MINDY2: variants seen among roughly 807,000 people sequenced by gnomAD.
MINDY2 encodes MINDY lysine 48 deubiquitinase 2, also known as ubiquitin carboxyl-terminal hydrolase MINDY-2.
Under a neutral mutation model 68.2 loss-of-function variants are expected in MINDY2, and 52 were observed. The ratio of observed to expected loss-of-function variants is 0.76; its 90% CI spans 0.61 to 0.96. MINDY2 has a LOEUF of 0.96. Ranked by LOEUF, MINDY2 falls within the 40% of genes least tolerant of loss-of-function variation. The pLI is 0.00. For synonymous variants in MINDY2, 372 were observed against 303.0 expected (o/e 1.23, Z -2.36); for missense variants, 881 against 773.4 (o/e 1.14, Z -1.65).
At chr15:58,854,244 A>C (rs77144915) in intron 8 of MINDY2, among the ~76,000 whole-genome samples, 1 of 120,744 alleles carries the variant, frequency 8.3e-6, no homozygotes, top group Non-Finnish European at 1.8e-5. Context: ...ACTCTGTCTC[A>C]AAAAAAAAAA....
intron 3 of MINDY2, among the ~76,000 whole-genome samples, chr15:58,808,495 A>G (rs1248963161): frequency 1.3e-5 from 2 of 151,840 alleles, no homozygotes; most frequent in African/African-American, 4.8e-5. Flanking sequence ...TGTTTTCTTT[A>G]CTACTACGCA....
intron 1 of MINDY2, among the ~76,000 whole-genome samples, chr15:58,781,676 G>T (rs929724801): frequency 6.6e-6 from 1 of 152,020 alleles, no homozygotes; most frequent in Non-Finnish European, 1.5e-5. Context: ...AGGCCAAGGC[G>T]GGTGGATCAC....
intron 5 of MINDY2, among the ~76,000 whole-genome samples, chr15:58,824,930 A>G (rs1313653436): frequency 5.3e-5 from 8 of 152,108 alleles, no homozygotes; most frequent in African/African-American, 1.9e-4. Context: ...TCAACCTCCC[A>G]AAGTGCTGCA....
At chr15:58,843,138 T>C (rs1388634608) in intron 6 of MINDY2, among the ~76,000 whole-genome samples, 1 of 152,180 alleles carries the variant, frequency 6.6e-6, no homozygotes, top group Admixed American at 6.5e-5. Context: ...GTTAAGTAAT[T>C]TGTGTTTAGG....
At position 58,855,385 on chromosome 15, in the gene MINDY2, A is replaced by G. The variant is rs1045630710; in HGVS notation, c.*775A>G. 1.8e-4 allele frequency: 27 copies of G among 152,602 alleles called. No homozygotes were observed. The highest frequency in any genetic ancestry group is 6.0e-4 in the African/African-American group (25 of 41,450). 9.5% of individuals were successfully genotyped at this position (152,602 alleles called of 1,614,324 possible). On this transcript the variant is annotated 3_prime_UTR_variant, in exon 9 of 9. Transcript: ENST00000559228. Reference sequence around the variant, plus strand: ...ATAGGTAACCTGGACCACAGTTACTATTTATTGACAATGTGATTGAGTGTA... The same window carrying G: ...ATAGGTAACCTGGACCACAGTTACTGTTTATTGACAATGTGATTGAGTGTA...
chr15:58,813,232 C>T (rs934685803), intron 4 of MINDY2, among the ~76,000 whole-genome samples: 3 of 152,166 alleles, frequency 2.0e-5, no homozygotes, highest in South Asian at 2.1e-4. Flanking sequence ...CGGTGGCTCA[C>T]GCCTGTAATC....
At chr15:58,817,713 C>A (rs1291019947) in intron 4 of MINDY2, 1 of 152,060 alleles carries the variant, frequency 6.6e-6, no homozygotes, top group African/African-American at 2.4e-5. Flanking sequence ...CAGAGCGAGA[C>A]TCTGTCTCAA....
chr15:58,793,179 C>T (rs1474042157), intron 2 of MINDY2, among the ~76,000 whole-genome samples: 1 of 152,136 alleles, frequency 6.6e-6, no homozygotes, highest in Non-Finnish European at 1.5e-5. Flanking sequence ...GGGACTGGCA[C>T]AGTGGCTCAC....
At chr15:58,778,267 A>G (rs1900901781) in intron 1 of MINDY2, among the ~76,000 whole-genome samples, 1 of 152,182 alleles carries the variant, frequency 6.6e-6, no homozygotes, top group Non-Finnish European at 1.5e-5. Context: ...TAGTAGAAAA[A>G]TGAATGCACT....
intron 3 of MINDY2, among the ~76,000 whole-genome samples, chr15:58,807,687 A>G (rs992725558): frequency 1.3e-5 from 2 of 152,150 alleles, no homozygotes; most frequent in African/African-American, 4.8e-5. Context: ...TTCCAGATGT[A>G]TATGACTACA....
At chr15:58,837,264 A>G (rs1444054776) in intron 6 of MINDY2, among the ~76,000 whole-genome samples, 5 of 152,106 alleles carry the variant, frequency 3.3e-5, no homozygotes, top group Non-Finnish European at 1.5e-5. Context: ...TTTAATAAGG[A>G]CACAAATAAT....
chr15:58,808,399 A>G (rs1216101069), intron 3 of MINDY2, among the ~76,000 whole-genome samples: 1 of 151,954 alleles, frequency 6.6e-6, no homozygotes, highest in African/African-American at 2.4e-5. Context: ...CTTGGCAACC[A>G]CTGATCTTTT....
chr15:58,787,378 C>T (rs116116698), intron 1 of MINDY2, among the ~76,000 whole-genome samples: 2,767 of 152,042 alleles, frequency 0.018, 91 homozygotes, highest in African/African-American at 0.063. Context: ...TTAAGCTTTG[C>T]ATTACTTTTA....
At chr15:58,792,062 A>C (rs1223026134) in intron 2 of MINDY2, among the ~76,000 whole-genome samples, 3 of 152,172 alleles carry the variant, frequency 2.0e-5, no homozygotes. Flanking sequence ...AATACTAAAA[A>C]TTGACTGTTG....
At position 58,851,910 on chromosome 15, in the gene MINDY2, A is replaced by G. The variant is rs751990695; in HGVS notation, c.1682A>G (p.Tyr561Cys). Reference sequence around the variant, plus strand: ...GAGGACAGACGGGCTTCTCAATACTATCAGGAACAGGAACAAGCAGCAGCT... The same window carrying G: ...GAGGACAGACGGGCTTCTCAATACTGTCAGGAACAGGAACAAGCAGCAGCT... ...EEEDRRASQY[Y>C]QEQEQAAAAA... The change falls in exon 8 of 9, where the codon TAT (tyrosine) becomes TGT (cysteine). Residue 561 changes from tyrosine (Y) to cysteine (C), a missense_variant. Tyr to Cys is a radical substitution (Grantham distance 194, BLOSUM62 -2). Transcript: ENST00000559228. The G allele has an allele frequency of 5.0e-6, 8 of 1,607,966 alleles. No individual in the cohort carries two copies. Among genetic ancestry groups the G allele is most frequent in the South Asian group, 3.3e-5 (3 of 89,844 alleles).
rs1454747731 is a variant in MINDY2 at position 58,771,960 on chromosome 15, T to G, written c.565T>G (p.Cys189Gly). The change falls in exon 1 of 9, where the codon TGC (cysteine) becomes GGC (glycine). Residue 189 changes from cysteine (C) to glycine (G), a missense_variant. Coordinates refer to ENST00000559228, the MANE Select transcript of MINDY2 (RefSeq NM_001040450.3). ...TAACCTGCATTCTTTTCCCAGTAGC[T>G]GCGAGTTCAATAGTGAGGAGGGAGC... The part of the protein sequence containing the change: ...FSNLHSFPSS[C>G]EFNSEEGAEN... 1 of 1,561,706 alleles carries G rather than the reference T, an allele frequency of 6.4e-7. No homozygotes were observed. The highest frequency in any genetic ancestry group is 1.9e-5 in the Admixed American group (1 of 51,540).
intron 4 of MINDY2, among the ~76,000 whole-genome samples, chr15:58,821,319 G>T (rs1280530934): frequency 2.0e-5 from 3 of 146,656 alleles, no homozygotes; most frequent in South Asian, 2.2e-4. Context: ...TGCAACATTT[G>T]TTTTTTAGTT....
At chr15:58,798,957 A>G (rs925506803) in intron 2 of MINDY2, among the ~76,000 whole-genome samples, 2 of 152,228 alleles carry the variant, frequency 1.3e-5, no homozygotes, top group Non-Finnish European at 2.9e-5. Context: ...AGGAAGCAGA[A>G]CATAGGACAG....
chr15:58,809,277 TTA>T (rs2030052751), intron 3 of MINDY2, among the ~76,000 whole-genome samples: 1 of 152,134 alleles, frequency 6.6e-6, no homozygotes, highest in Non-Finnish European at 1.5e-5. Flanking sequence ...CTTTCTGTTT[TTA>T]TGATTTTGAT....
Sources: gnomAD v4.1 joint callset for allele counts (sites outside exome capture counted in the v4.1 genomes callset) on GRCh38, gnomAD v4.1.1 for gene constraint, MANE v1.5 for transcripts, NCBI Gene and HGNC (gene_info 2026-07-23, HGNC 2026-07-21) for gene names.